CCR6: variants seen among roughly 807,000 people sequenced by gnomAD.
CCR6 encodes C-C motif chemokine receptor 6, also known as C-C chemokine receptor type 6.
In CCR6, 2 loss-of-function variants were observed where a neutral mutation model predicts 3.0. The observed-to-expected ratio is 0.66, with a 90% confidence interval of 0.27 to 2.07. The LOEUF (loss-of-function observed/expected upper bound fraction) is 2.07. CCR6 is among the 30% of genes most tolerant of loss of function. CCR6 has a pLI of 0.14. For missense variants in CCR6, 322 were observed against 462.8 expected (o/e 0.70, Z 2.79); for synonymous variants, 193 against 184.3 (o/e 1.05, Z -0.38).
At chr6:167,124,361 T>C (rs1405691339) in intron 1 of CCR6, among the ~76,000 whole-genome samples, 1 of 150,494 alleles carries the variant, frequency 6.6e-6, no homozygotes, top group Non-Finnish European at 1.5e-5. Flanking sequence ...CCTTAGCCAC[T>C]CTCATTCAAA....
At chr6:167,128,106 C>G (rs906717260) in intron 1 of CCR6, among the ~76,000 whole-genome samples, 3 of 152,234 alleles carry the variant, frequency 2.0e-5, no homozygotes, top group African/African-American at 7.2e-5. Context: ...CTCTTCACCT[C>G]TAGGGACTCG....
At chr6:167,117,411 T>TC (rs1286346505) in intron 1 of CCR6, among the ~76,000 whole-genome samples, 2 of 133,230 alleles carry the variant, frequency 1.5e-5, no homozygotes, top group African/African-American at 5.8e-5. Context: ...TTCTTTTTTT[T>TC]TTTCTTTTTT....
intron 1 of CCR6, among the ~76,000 whole-genome samples, chr6:167,117,403 C>CTT (rs1304218953): frequency 5.7e-5 from 6 of 105,018 alleles, no homozygotes; most frequent in Non-Finnish European, 9.7e-5. Flanking sequence ...ACTCTATTTT[C>CTT]TTTTTTTTTT....
rs988260098 is a variant in CCR6, at chr6:167,137,467, C to A, written c.*112C>A. On this transcript the variant is annotated 3_prime_UTR_variant, in exon 3 of 3. Coordinates refer to ENST00000341935, the MANE Select transcript of CCR6 (RefSeq NM_031409.4). This position sits in a 1 kb window ranked among gnomAD's most constrained non-coding sequence, Gnocchi z 4.6. ...AATGTGGGAATTAAGCAAAATCAAG[C>A]AAGCCTCTCTCCTGCGGGACTTAAC... 42 of 1,030,688 alleles carry A rather than the reference C, an allele frequency of 4.1e-5. No homozygotes were observed. Among genetic ancestry groups the A allele is most frequent in the Admixed American group, 3.3e-4 (12 of 36,762 alleles). 63.8% of individuals were successfully genotyped at this position (1,030,688 alleles called of 1,614,324 possible).
intron 1 of CCR6, among the ~76,000 whole-genome samples, chr6:167,132,883 A>G (rs1372795384): frequency 1.3e-5 from 2 of 152,132 alleles, no homozygotes; most frequent in Non-Finnish European, 2.9e-5. Flanking sequence ...GATTAATGGC[A>G]TTGAGCGTCT....
chr6:167,118,414 C>T (rs73259291), upstream of CCR6, among the ~76,000 whole-genome samples: 1,445 of 152,256 alleles, frequency 9.5e-3, 37 homozygotes, highest in African/African-American at 0.033. Flanking sequence ...TTCAGTTACA[C>T]GAGACATCAA....
intron 1 of CCR6, among the ~76,000 whole-genome samples, chr6:167,134,776 G>A (rs1366787287): frequency 1.3e-5 from 2 of 152,222 alleles, no homozygotes. Context: ...GAAGATGGGC[G>A]ATTGGCTGGG....
intron 1 of CCR6, among the ~76,000 whole-genome samples, chr6:167,128,318 C>T (rs1418675832): frequency 2.0e-5 from 3 of 152,348 alleles, no homozygotes; most frequent in East Asian, 3.9e-4. Flanking sequence ...ATGATTCTGC[C>T]GACAAGTGCT....
At chr6:167,113,371 C>T (rs761143500) in intron 1 of CCR6, among the ~76,000 whole-genome samples, 56 of 152,092 alleles carry the variant, frequency 3.7e-4, no homozygotes, top group Admixed American at 5.9e-4. Flanking sequence ...GAGTCAGGCA[C>T]GCTGGAAGTG....
At chr6:167,126,697 T>C (rs1280618925) in intron 1 of CCR6, 1 of 152,306 alleles carries the variant, frequency 6.6e-6, no homozygotes, top group Non-Finnish European at 1.5e-5. Flanking sequence ...TCTTTGGCTG[T>C]GTCCCCATCC....
chr6:167,121,188 G>T (rs898373049), upstream of CCR6, among the ~76,000 whole-genome samples: 6 of 152,230 alleles, frequency 3.9e-5, no homozygotes, highest in Non-Finnish European at 8.8e-5. Flanking sequence ...CCCCACAGTG[G>T]CCATGAATCT....
At chr6:167,128,905 A>G (rs1277497460) in intron 1 of CCR6, among the ~76,000 whole-genome samples, 1 of 152,096 alleles carries the variant, frequency 6.6e-6, no homozygotes, top group African/African-American at 2.4e-5. Context: ...AGAAGCTTCT[A>G]TTTTCCCTAC....
At chr6:167,112,961 CTG>C (rs1237633533) in intron 1 of CCR6, among the ~76,000 whole-genome samples, 1 of 151,680 alleles carries the variant, frequency 6.6e-6, no homozygotes, top group Admixed American at 6.6e-5. Flanking sequence ...ATCAGTTTCA[CTG>C]TGTTGTGGGT....
At chr6:167,115,038 C>T (rs1417510383) in intron 1 of CCR6, 1 of 152,230 alleles carries the variant, frequency 6.6e-6, no homozygotes, top group African/African-American at 2.4e-5. Flanking sequence ...TAAATGACTA[C>T]GTAATAAAAT....
chr6:167,122,160 AG>A (rs1217742525), upstream of CCR6, among the ~76,000 whole-genome samples: 1 of 152,178 alleles, frequency 6.6e-6, no homozygotes, highest in Non-Finnish European at 1.5e-5. This position sits in a 1 kb window ranked among gnomAD's most constrained non-coding sequence, Gnocchi z 4.2. Flanking sequence ...CCTCGTGGGC[AG>A]CCTGGGGGTG....
rs373361643 is a variant in CCR6 at position 167,136,581 on chromosome 6, G to A, written c.351G>A (p.Thr117=). ...ATGAWVFSNA[T]CKLLKGIYAI... is the part of the protein sequence containing the mutation. The stretch of plus-strand genomic sequence containing the variant: ...GTGCGTGGGTTTTCAGCAATGCCAC[G>A]TGCAAGTTGCTAAAAGGCATCTATG... The change falls in exon 3 of 3, where the codon ACG becomes ACA. Residue 117 remains threonine, a synonymous_variant. Transcript: ENST00000341935. This position sits in a 1 kb window ranked among gnomAD's most constrained non-coding sequence, Gnocchi z 4.6. 21 of 1,609,736 alleles carry A rather than the reference G, an allele frequency of 1.3e-5. No individual in the cohort carries two copies. The highest frequency in any genetic ancestry group is 2.2e-5 in the East Asian group (1 of 44,820).
chr6:167,125,001 C>T (rs1309299594), intron 1 of CCR6, among the ~76,000 whole-genome samples: 1 of 152,148 alleles, frequency 6.6e-6, no homozygotes, highest in African/African-American at 2.4e-5. Context: ...TATATACACA[C>T]ATGCATACAC....
chr6:167,136,497 C>G lies in CCR6; in HGVS notation c.267C>G (p.Ala89=). ...SMTDVYLLNM[A]IADILFVLTL... ...CAGACGTCTATCTCTTGAACATGGC[C>G]ATTGCAGACATCCTCTTTGTTCTTA... The change falls in exon 3 of 3, where the codon GCC becomes GCG. Residue 89 remains alanine, a synonymous_variant. Coordinates refer to ENST00000341935, the MANE Select transcript of CCR6 (RefSeq NM_031409.4). This position sits in a 1 kb window ranked among gnomAD's most constrained non-coding sequence, Gnocchi z 4.6. The G allele has an allele frequency of 6.3e-7, 1 of 1,590,604 alleles. No homozygotes were observed. Among genetic ancestry groups the G allele is most frequent in the Non-Finnish European group, 8.6e-7 (1 of 1,167,720 alleles).
chr6:167,135,912 A>G, intron 1 of CCR6, 126 bp from the exon 2 acceptor site: 1 of 531,798 alleles, frequency 1.9e-6, no homozygotes, highest in Non-Finnish European at 3.3e-6. Flanking sequence ...CTCAATGAAT[A>G]TTTGTATGTA....
Sources: allele counts gnomAD v4.1 joint callset (sites outside exome capture counted in the v4.1 genomes callset), GRCh38; gene constraint gnomAD v4.1.1; non-coding constraint Gnocchi (gnomAD v3.1); transcripts MANE v1.5; gene names NCBI Gene and HGNC (gene_info 2026-07-23, HGNC 2026-07-21).